The following ZNF429 variants were observed in gnomAD, a reference collection of about 807,000 sequenced individuals.
The protein encoded by ZNF429 is zinc finger protein 429.
In ZNF429, 53 loss-of-function variants were observed where a neutral mutation model predicts 56.8. The ratio of observed to expected loss-of-function variants is 0.93; its 90% confidence interval spans 0.75 to 1.17. ZNF429 has a LOEUF of 1.17. Ranked by LOEUF, ZNF429 falls within the 50% of genes most tolerant of loss-of-function variation. The pLI is 0.00. For synonymous variants in ZNF429, 278 were observed against 264.7 expected (o/e 1.05, Z -0.49); for missense variants, 849 against 788.4 (o/e 1.08, Z -0.92).
intron 1 of ZNF429, 45 bp from the exon 2 acceptor site, chr19:21,529,613 T>TTC (rs35176838): frequency 0.19 from 274,119 of 1,425,080 alleles, 27,465 homozygotes; most frequent in Middle Eastern, 0.22. Context: ...GTCAATATAT[T>TTC]TCTCTCTCTT....
chr19:21,507,539 A>C (rs2032237979), intron 1 of ZNF429: 1 of 152,124 alleles, frequency 6.6e-6, no homozygotes. Context: ...TTTTATGAGA[A>C]TGTTTTGGCA....
chr19:21,511,033 C>T (rs1599433948), intron 1 of ZNF429, among the ~76,000 whole-genome samples: 5 of 152,330 alleles, frequency 3.3e-5, no homozygotes, highest in Admixed American at 3.3e-4. Flanking sequence ...CCCCACCTTT[C>T]CCCCTTTTCT....
rs2033836918 is a variant in ZNF429 at position 21,539,254 on chromosome 19, A to G, written c.*1176A>G. Among the ~76,000 whole-genome samples, 1 of 150,944 alleles carries G rather than the reference A, an allele frequency of 6.6e-6. No homozygotes were observed. The highest frequency in any genetic ancestry group is 2.1e-4 in the South Asian group (1 of 4,830). On this transcript the variant is annotated 3_prime_UTR_variant, in exon 4 of 4. Transcript: ENST00000358491. The stretch of plus-strand genomic sequence containing the variant: ...TAGAATATGATATTTAATACATAGA[A>G]AAGTCTACATGAATATCAGAATTTA...
intron 1 of ZNF429, among the ~76,000 whole-genome samples, chr19:21,516,391 T>G (rs1229785587): frequency 1.3e-5 from 2 of 152,192 alleles, no homozygotes; most frequent in African/African-American, 4.8e-5. Flanking sequence ...CCAGCCGCTT[T>G]GTTCTTTTTG....
At position 21,539,252 on chromosome 19, in the gene ZNF429, GAA is replaced by G. The variant is rs2033836837; in HGVS notation, c.*1177_*1178del. 6.6e-6 allele frequency among the ~76,000 whole-genome samples: 1 copy of G among 150,578 alleles called. No homozygotes were observed. The highest frequency in any genetic ancestry group is 1.5e-5 in the Non-Finnish European group (1 of 67,972). ...CATAGAATATGATATTTAATACATA[GAA>G]AAGTCTACATGAATATCAGAATTTA... On this transcript the variant is annotated 3_prime_UTR_variant, in exon 4 of 4. Coordinates refer to ENST00000358491, the MANE Select transcript of ZNF429 (RefSeq NM_001001415.4).
intron 1 of ZNF429, chr19:21,529,240 A>G (rs1272141284): frequency 6.5e-6 from 1 of 153,312 alleles, no homozygotes; most frequent in African/African-American, 2.4e-5. Flanking sequence ...ATCTGCATTA[A>G]CAAAATCTTC....
chr19:21,513,682 A>G (rs2032606961), intron 1 of ZNF429, among the ~76,000 whole-genome samples: 1 of 152,236 alleles, frequency 6.6e-6, no homozygotes, highest in Non-Finnish European at 1.5e-5. Context: ...AACTCTTGGT[A>G]TCTGGAAATG....
At chr19:21,508,226 C>T (rs1053495566) in intron 1 of ZNF429, among the ~76,000 whole-genome samples, 17 of 149,210 alleles carry the variant, frequency 1.1e-4, no homozygotes, top group Non-Finnish European at 1.8e-4. Context: ...CTGTGCAACA[C>T]GAGTGAAACT....
chr19:21,535,332 T>TCTTTCTTTCTTTCTTTC lies in ZNF429; in HGVS notation c.227-948_227-947insCTTTCTTTCTTTCTTTC. On this transcript the variant is annotated intron_variant, in intron 3 of 3. Coordinates refer to ENST00000358491, the MANE Select transcript of ZNF429 (RefSeq NM_001001415.4). ...CTTTCTTTCTTTCTTTCTTTCTCTT[T>TCTTTCTTTCTTTCTTTC]TCTTTTCTTTCCTTTCCTTTCTTTT... Among the ~76,000 whole-genome samples, 11 of 93,478 alleles carry TCTTTCTTTCTTTCTTTC rather than the reference T, an allele frequency of 1.2e-4. 1 individual carries two copies. Among genetic ancestry groups the TCTTTCTTTCTTTCTTTC allele is most frequent in the East Asian group, 7.3e-4 (3 of 4,088 alleles). 61.3% of individuals were successfully genotyped at this position (93,478 alleles called of 152,430 possible).
rs756296250 is a variant in ZNF429 at position 21,536,941 on chromosome 19, A to G, written c.888A>G (p.Ile296Met). 3.1e-6 allele frequency: 5 copies of G among 1,609,920 alleles called. No homozygotes were observed. Among genetic ancestry groups the G allele is most frequent in the African/African-American group, 1.4e-5 (1 of 74,016 alleles). ...KCDECGKTFS[I>M]SSTFTKHKII... ...ATGAATGTGGCAAAACCTTTAGCAT[A>G]TCCTCAACCTTTACTAAACATAAGA... The change falls in exon 4 of 4, where the codon ATA (isoleucine) becomes ATG (methionine). Residue 296 changes from isoleucine (I) to methionine (M), a missense_variant. Coordinates refer to ENST00000358491, the MANE Select transcript of ZNF429 (RefSeq NM_001001415.4).
At chr19:21,529,830 TC>T in intron 2 of ZNF429, 46 bp downstream of exon 2, 1 of 1,205,944 alleles carries the variant, frequency 8.3e-7, no homozygotes, top group Non-Finnish European at 1.1e-6. Context: ...CCTAAATGTT[TC>T]ATTTCTCCTC....
At chr19:21,530,926 T>C in intron 3 of ZNF429, among the ~76,000 whole-genome samples, 1 of 151,758 alleles carries the variant, frequency 6.6e-6, no homozygotes, top group Non-Finnish European at 1.5e-5. Context: ...GCCAACATCA[T>C]GAAACTGCAT....
chr19:21,536,935 T>A lies in ZNF429; in HGVS notation c.882T>A (p.Phe294Leu). ...PYKCDECGKT[F>L]SISSTFTKHK... is the part of the protein sequence containing the mutation. Reference sequence around the variant, plus strand: ...AATGTGATGAATGTGGCAAAACCTTTAGCATATCCTCAACCTTTACTAAAC... The same window carrying A: ...AATGTGATGAATGTGGCAAAACCTTAAGCATATCCTCAACCTTTACTAAAC... Residue 294 changes from phenylalanine (F) to leucine (L), a missense_variant, in exon 4 of 4, where the codon TTT becomes TTA. By Grantham distance (22) the Phe-to-Leu change is conservative. Coordinates refer to ENST00000358491, the MANE Select transcript of ZNF429 (RefSeq NM_001001415.4). 1 of 1,612,366 alleles carries A rather than the reference T, an allele frequency of 6.2e-7. No homozygotes were observed. Among genetic ancestry groups the A allele is most frequent in the African/African-American group, 1.3e-5 (1 of 75,032 alleles).
chr19:21,535,405 CTTT>C, intron 3 of ZNF429, among the ~76,000 whole-genome samples: 1 of 15,698 alleles, frequency 6.4e-5, no homozygotes, highest in Non-Finnish European at 1.2e-4. Context: ...TTCTTTCTTT[CTTT>C]TTCTTTTCTT....
chr19:21,519,778 G>A (rs992999913), intron 1 of ZNF429, among the ~76,000 whole-genome samples: 5 of 151,966 alleles, frequency 3.3e-5, no homozygotes, highest in South Asian at 2.1e-4. Flanking sequence ...AAGTGTCTGC[G>A]GAGTGTTGTA....
rs2033775922 is a variant in ZNF429, at chr19:21,537,899, A to G, written c.1846A>G (p.Thr616Ala). The change falls in exon 4 of 4, where the codon ACT becomes GCT. Residue 616 changes from threonine (T) to alanine (A), a missense_variant. Coordinates refer to ENST00000358491, the MANE Select transcript of ZNF429 (RefSeq NM_001001415.4). ...SRLTQHKKIH[T>A]REKPYKCEEC... ...ACTTACTCAACATAAGAAAATTCAT[A>G]CTAGAGAGAAACCTTACAAATGTGA... 4 of 1,614,092 alleles carry G rather than the reference A, an allele frequency of 2.5e-6. No individual in the cohort carries two copies. Among genetic ancestry groups the G allele is most frequent in the Non-Finnish European group, 3.4e-6 (4 of 1,179,990 alleles).
rs1237424366 is a variant in ZNF429, at chr19:21,537,988, G to A, written c.1935G>A (p.Met645Ile). The change falls in exon 4 of 4, where the codon ATG becomes ATA. Residue 645 changes from methionine (M) to isoleucine (I), a missense_variant. Met to Ile is a conservative substitution (Grantham distance 10). Coordinates refer to ENST00000358491, the MANE Select transcript of ZNF429 (RefSeq NM_001001415.4). Reference protein sequence around the residue: ...RLTQHKKIHRMGVVAHACNPS... With the variant: ...RLTQHKKIHRIGVVAHACNPS... ...CTCAACATAAGAAAATTCATAGGAT[G>A]GGTGTGGTGGCTCATGCCTGTAATC... 9 of 1,613,858 alleles carry A rather than the reference G, an allele frequency of 5.6e-6. No individual in the cohort carries two copies. Among genetic ancestry groups the A allele is most frequent in the Non-Finnish European group, 7.6e-6 (9 of 1,179,976 alleles).
rs543520173 is a variant in ZNF429, at chr19:21,540,392, A to T, written c.*2314A>T. Among the ~76,000 whole-genome samples the T allele has an allele frequency of 6.6e-6, 1 of 151,978 alleles. No individual in the cohort carries two copies. Among genetic ancestry groups the T allele is most frequent in the Non-Finnish European group, 1.5e-5 (1 of 67,922 alleles). On this transcript the variant is annotated 3_prime_UTR_variant, in exon 4 of 4. Transcript: ENST00000358491. ...TATTTATCCTTTTTTTGATATTTAA[A>T]TTTTTTTCTTATTTTTTTGTGGGTA...
intron 3 of ZNF429, among the ~76,000 whole-genome samples, chr19:21,534,060 C>A: frequency 6.6e-6 from 1 of 151,978 alleles, no homozygotes; most frequent in African/African-American, 2.4e-5. Context: ...GTTTTGAAAT[C>A]AAAAAGTATA....
Sources: gnomAD v4.1 joint callset for allele counts (sites outside exome capture counted in the v4.1 genomes callset) on GRCh38, gnomAD v4.1.1 for gene constraint, MANE v1.5 for transcripts, NCBI Gene and HGNC (gene_info 2026-07-23, HGNC 2026-07-21) for gene names.